Variants in BTG3 observed in about 807,000 individuals in gnomAD.
The protein encoded by BTG3 is protein BTG3.
Under a neutral mutation model 25.8 loss-of-function variants are expected in BTG3, and 4 were observed. The ratio of observed to expected loss-of-function variants is 0.16; its 90% CI spans 0.08 to 0.36. BTG3 has a LOEUF of 0.36. BTG3 is among the 10% of genes least tolerant of loss of function. The probability of loss-of-function intolerance (pLI) is 1.00; values close to 1 mark genes in which losing one functional copy is unlikely to be tolerated. For missense variants in BTG3, 201 were observed against 304.9 expected, an observed-to-expected ratio of 0.66 and a Z score of 2.54; for synonymous variants, 107 against 99.9, an observed-to-expected ratio of 1.07 and a Z score of -0.42.
chr21:17,609,189 A>T lies in BTG3; in HGVS notation c.-8-37T>A, dbSNP rs541004196. ...AAACATGTTTTCTCAGAAAAACAAA[A>T]TATAAAAACTGGGAAGATGAAGCTC... On this transcript the variant is annotated intron_variant, in intron 1 of 4. Coordinates refer to ENST00000348354, the MANE Select transcript of BTG3 (RefSeq NM_006806.5). The T allele has an allele frequency of 4.4e-6, 7 of 1,581,358 alleles. No homozygotes were observed. The African/African-American group carries it at 8.2e-5, about 19-fold the overall frequency.
intron 4 of BTG3, among the ~76,000 whole-genome samples, chr21:17,596,351 A>T (rs1295856453): frequency 6.6e-6 from 1 of 151,992 alleles, no homozygotes; most frequent in African/African-American, 2.4e-5. Context: ...CTCTAGAGGA[A>T]ATATTTGCCT....
chr21:17,603,576 G>C (rs2061600768), intron 3 of BTG3, among the ~76,000 whole-genome samples: 1 of 152,168 alleles, frequency 6.6e-6, no homozygotes, highest in Admixed American at 6.5e-5. Context: ...TACATAGTTA[G>C]GGTTCCTTCA....
intron 4 of BTG3, among the ~76,000 whole-genome samples, chr21:17,594,839 A>G (rs914253892): frequency 6.6e-5 from 10 of 152,016 alleles, no homozygotes; most frequent in Middle Eastern, 3.2e-3. Context: ...ATTGGAGTCT[A>G]TTTGAGAGGG....
chr21:17,604,715 A>G lies in BTG3; in HGVS notation c.311+145T>C, dbSNP rs544417804. The G allele has an allele frequency of 1.8e-5, 19 of 1,052,388 alleles. No individual in the cohort carries two copies. In the East Asian group the frequency reaches 5.2e-4, roughly 29 times the overall value. The allele number at this position is 1,052,388 out of a possible 1,614,324, so 65.2% of individuals were successfully genotyped here. ...CTAGTCCTTCAACATCACCTCCAGA[A>G]AAGTATTTCATAAAATTTACATCTG... is the stretch of plus-strand genomic sequence containing the variant. On this transcript the variant is annotated intron_variant, in intron 3 of 4. Transcript: ENST00000348354.
intron 3 of BTG3, chr21:17,604,395 A>G (rs759155503): frequency 1.7e-4 from 33 of 195,400 alleles, no homozygotes; most frequent in Non-Finnish European, 3.1e-4. Context: ...CAGACAGCCA[A>G]GAATGCACCA....
intron 2 of BTG3, among the ~76,000 whole-genome samples, chr21:17,607,515 G>A (rs1178576379): frequency 1.3e-5 from 2 of 152,156 alleles, no homozygotes; most frequent in Non-Finnish European, 2.9e-5. Flanking sequence ...AAATGAAAAG[G>A]AAAATAAACT....
In BTG3 at chr21:17,600,929, C is replaced by T. The variant is rs964950376; in HGVS notation, c.312-2105G>A. ...CTGTAATCCCAGCACTTTGGGAGGC[C>T]AAGGCGGGTGGATCATGAGGTCAGG... On this transcript the variant is annotated intron_variant, in intron 3 of 4. Coordinates refer to ENST00000348354, the MANE Select transcript of BTG3 (RefSeq NM_006806.5). Among the ~76,000 whole-genome samples the T allele has an allele frequency of 2.6e-5, 4 of 152,044 alleles. No individual in the cohort carries two copies. The East Asian group carries it at 5.8e-4, about 22-fold the overall frequency.
At chr21:17,607,876 C>T (rs2061665115) in intron 2 of BTG3, among the ~76,000 whole-genome samples, 1 of 152,232 alleles carries the variant, frequency 6.6e-6, no homozygotes, top group South Asian at 2.1e-4. Context: ...CACATAAATA[C>T]TACAGTGAGC....
At chr21:17,611,706 T>G (rs1448341859) in intron 1 of BTG3, 1 of 152,286 alleles carries the variant, frequency 6.6e-6, no homozygotes, top group African/African-American at 2.4e-5. Flanking sequence ...GACGTCATCC[T>G]GGGACCTCGT....
rs1362848433 is a variant in BTG3 at position 17,594,037 on chromosome 21, AG to A, written c.*55del. The stretch of plus-strand genomic sequence containing the variant: ...TAAGAACTTTTAACTTTTAATGTGT[AG>A]TAAGGTTTATTCTACCTTTTTCTCA... On this transcript the variant is annotated 3_prime_UTR_variant, in exon 5 of 5. Coordinates refer to ENST00000348354, the MANE Select transcript of BTG3 (RefSeq NM_006806.5). 1.9e-6 allele frequency: 3 copies of A among 1,575,218 alleles called. No individual in the cohort carries two copies. The highest frequency in any genetic ancestry group is 2.6e-6 in the Non-Finnish European group (3 of 1,160,962).
chr21:17,602,278 T>C (rs2061584376), intron 3 of BTG3, among the ~76,000 whole-genome samples: 1 of 152,236 alleles, frequency 6.6e-6, no homozygotes, highest in Admixed American at 6.5e-5. Context: ...CCTTTCTAAC[T>C]ATATGGCACT....
chr21:17,610,894 T>C (rs891597845), intron 1 of BTG3, among the ~76,000 whole-genome samples: 1 of 152,178 alleles, frequency 6.6e-6, no homozygotes, highest in Non-Finnish European at 1.5e-5. Context: ...CAAGTGCAAA[T>C]TCAAACAAGG....
intron 3 of BTG3, among the ~76,000 whole-genome samples, chr21:17,603,264 A>AAGC (rs1193303887): frequency 2.0e-5 from 3 of 152,196 alleles, no homozygotes; most frequent in Admixed American, 6.5e-5. Flanking sequence ...AACTAGCCTA[A>AAGC]AGCAGGTCCT....
At chr21:17,605,080 G>A (rs560410980) in intron 2 of BTG3, 83 bp from the exon 3 acceptor site, 106 of 1,446,230 alleles carry the variant, frequency 7.3e-5, no homozygotes, top group Non-Finnish European at 9.2e-5. Flanking sequence ...TTGCCAAGGT[G>A]AGTAATAAAA....
intron 2 of BTG3, among the ~76,000 whole-genome samples, chr21:17,605,997 A>C (rs2123467984): frequency 6.6e-6 from 1 of 152,342 alleles, no homozygotes; most frequent in Non-Finnish European, 1.5e-5. Flanking sequence ...TGCTATTTAA[A>C]GTTTTTGTAA....
At chr21:17,598,176 A>T (rs529437165) in intron 4 of BTG3, among the ~76,000 whole-genome samples, 1 of 152,258 alleles carries the variant, frequency 6.6e-6, no homozygotes, top group South Asian at 2.1e-4. Context: ...AAAGGGAGAC[A>T]ATGTTTCAGC....
Position 17,598,585 on chromosome 21 carries a change from T to C in BTG3, c.519+32A>G, listed in dbSNP as rs763219534. 2.6e-5 allele frequency: 41 copies of C among 1,586,376 alleles called. 1 individual carries two copies. The South Asian group carries it at 3.8e-4, about 15-fold the overall frequency. Reference sequence around the variant, plus strand: ...GAAAGGTCCTGGCAATCCCTGCACATCCCTTTAAAACTGAGCTGTTTTCAT... The same window carrying C: ...GAAAGGTCCTGGCAATCCCTGCACACCCCTTTAAAACTGAGCTGTTTTCAT... On this transcript the variant is annotated intron_variant, in intron 4 of 4. Transcript: ENST00000348354.
At position 17,612,832 on chromosome 21, in the gene BTG3, G is replaced by C. The variant is rs1398690588; in HGVS notation, c.-142C>G. 6.6e-6 allele frequency: 1 copy of C among 152,176 alleles called. No individual in the cohort carries two copies. The highest frequency in any genetic ancestry group is 1.5e-5 in the Non-Finnish European group (1 of 68,066). 9.4% of individuals were successfully genotyped at this position (152,176 alleles called of 1,614,324 possible). A position where few individuals can be genotyped will look rare whatever the true frequency, so the allele number is the denominator to read the frequency against. On this transcript the variant is annotated 5_prime_UTR_variant, in exon 1 of 5. Transcript: ENST00000348354. ...GCAGCGAGCCTCGTCCGGCGCGTGC[G>C]GCTCCCGCGTCGTCGGGCGGCCAAG...
intron 3 of BTG3, among the ~76,000 whole-genome samples, chr21:17,602,976 G>C (rs575200148): frequency 6.6e-6 from 1 of 152,246 alleles, no homozygotes; most frequent in African/African-American, 2.4e-5. Flanking sequence ...TAATCGTGCT[G>C]ATTTTTTAGC....
Sources: gnomAD v4.1 joint callset for allele counts (sites outside exome capture counted in the v4.1 genomes callset) on GRCh38, gnomAD v4.1.1 for gene constraint, MANE v1.5 for transcripts, NCBI Gene and HGNC (gene_info 2026-07-23, HGNC 2026-07-21) for gene names.